Variants in MXRA7 observed in about 807,000 individuals in gnomAD.
MXRA7 encodes matrix-remodeling-associated protein 7.
Under a neutral mutation model 17.4 loss-of-function variants are expected in MXRA7, and 18 were observed. That is an observed-to-expected ratio of 1.03 (90% CI 0.71 to 1.53). MXRA7 has a LOEUF of 1.53. Ranked by LOEUF, MXRA7 falls within the 40% of genes most tolerant of loss-of-function variation. The pLI is 0.00. For missense variants in MXRA7, 141 were observed against 209.3 expected, an observed-to-expected ratio of 0.67 and a Z score of 2.01; for synonymous variants, 70 against 101.7, an observed-to-expected ratio of 0.69 and a Z score of 1.87.
At chr17:76,700,478 G>T (rs755207157) in intron 1 of MXRA7, among the ~76,000 whole-genome samples, 1 of 152,184 alleles carries the variant, frequency 6.6e-6, no homozygotes, top group African/African-American at 2.4e-5. Flanking sequence ...AACTGCAGGC[G>T]GCTGTGCAGG....
intron 2 of MXRA7, among the ~76,000 whole-genome samples, chr17:76,686,367 C>T (rs892271212): frequency 1.3e-5 from 2 of 152,136 alleles, no homozygotes; most frequent in African/African-American, 4.8e-5. Flanking sequence ...GTAATCCCAG[C>T]TACTCAGGAG....
At chr17:76,710,543 A>G (rs1022384526) in intron 1 of MXRA7, 62 bp downstream of exon 1, 1 of 1,206,388 alleles carries the variant, frequency 8.3e-7, no homozygotes, top group South Asian at 2.9e-5. Flanking sequence ...CTCGGCGGGG[A>G]ACGGCAGCGG....
intron 1 of MXRA7, among the ~76,000 whole-genome samples, chr17:76,703,217 G>A (rs2076616044): frequency 1.3e-5 from 2 of 152,120 alleles, no homozygotes; most frequent in African/African-American, 2.4e-5. Flanking sequence ...CCCTTGCTGA[G>A]AATCTGCCAG....
chr17:76,708,789 A>G (rs1225344541), intron 1 of MXRA7, among the ~76,000 whole-genome samples: 2 of 152,076 alleles, frequency 1.3e-5, no homozygotes, highest in South Asian at 2.1e-4. Context: ...TTGAACCCAA[A>G]GGGGAAGGGC....
intron 1 of MXRA7, among the ~76,000 whole-genome samples, chr17:76,701,730 G>A (rs1380012915): frequency 6.6e-6 from 1 of 152,032 alleles, no homozygotes; most frequent in Non-Finnish European, 1.5e-5. Context: ...GCGAGGAGCC[G>A]ACCCCATCCG....
chr17:76,710,788 G>T lies in MXRA7; in HGVS notation c.159C>A (p.Ala53=). Residue 53 remains alanine, a synonymous_variant, in exon 1 of 4, where the codon GCC becomes GCA. Coordinates refer to ENST00000449428, the MANE Select transcript of MXRA7 (RefSeq NM_198530.4). The part of the protein sequence containing the change: ...EPAPPAEATG[A]PAPSRPCAPE... ...GGGCGCAGGGGCGGGACGGCGCCGG[G>T]GCCCCGGTGGCCTCGGCCGGGGGCG... 1.0e-6 allele frequency: 1 copy of T among 963,396 alleles called. No homozygotes were observed. The highest frequency in any genetic ancestry group is 4.9e-4 in the Middle Eastern group (1 of 2,058). 59.7% of individuals were successfully genotyped at this position (963,396 alleles called of 1,614,324 possible).
rs557158839 is a variant in MXRA7, at chr17:76,681,213, G to A, written c.501-334C>T. On this transcript the variant is annotated intron_variant, in intron 3 of 3. Transcript: ENST00000449428. This position sits in a 1 kb window ranked among gnomAD's most constrained non-coding sequence, Gnocchi z 4.7. ...GGCCTTTCTGATCTTGGGTTGTGTG[G>A]TTGTGCTGACAATATTCCTATCACC... Among the ~76,000 whole-genome samples, 1 of 152,316 alleles carries A rather than the reference G, an allele frequency of 6.6e-6. No individual in the cohort carries two copies. The highest frequency in any genetic ancestry group is 2.1e-4 in the South Asian group (1 of 4,820).
intron 1 of MXRA7, among the ~76,000 whole-genome samples, chr17:76,693,471 G>A (rs1234408271): frequency 1.2e-5 from 1 of 82,786 alleles, no homozygotes; most frequent in African/African-American, 3.7e-5. Context: ...TTTGAGATCT[G>A]TCTCAAAAAA....
chr17:76,684,080 C>T (rs918173449), intron 3 of MXRA7, among the ~76,000 whole-genome samples: 4 of 149,076 alleles, frequency 2.7e-5, no homozygotes, highest in Non-Finnish European at 4.5e-5. Flanking sequence ...TGCTGAGGGT[C>T]GAGAGCGCTG....
intron 2 of MXRA7, 36 bp from the exon 3 acceptor site, chr17:76,685,201 T>C: frequency 6.5e-7 from 1 of 1,531,670 alleles, no homozygotes; most frequent in African/African-American, 1.4e-5. Context: ...CCAGGAGTGC[T>C]GTAGAGGCTG....
chr17:76,679,481 G>A (rs1312744430), downstream of MXRA7: 5 of 413,800 alleles, frequency 1.2e-5, no homozygotes, highest in Non-Finnish European at 1.6e-5. Context: ...CAGAGTAAGA[G>A]GCATCAAAAT....
exon 4 of MXRA7, chr17:76,674,498 C>T (rs12451724): frequency 0.61 from 93,247 of 151,892 alleles, 33,351 homozygotes; most frequent in Non-Finnish European, 0.81. Context: ...GGGGCCTGGG[C>T]GGTGGACACC....
rs1309731403 is a variant in MXRA7, at chr17:76,710,589, G to A, written c.342+16C>T. ...CCCGGGGGTGGGGAGGGGGCCGCGAGGGCCCCGGTGCGTACCTGCCTCGCC... is the reference window on the plus strand; with the variant it reads ...CCCGGGGGTGGGGAGGGGGCCGCGAAGGCCCCGGTGCGTACCTGCCTCGCC... On this transcript the variant is annotated intron_variant, in intron 1 of 3. Coordinates refer to ENST00000449428, the MANE Select transcript of MXRA7 (RefSeq NM_198530.4). 7.7e-7 allele frequency: 1 copy of A among 1,303,932 alleles called. No homozygotes were observed. 80.8% of individuals were successfully genotyped at this position (1,303,932 alleles called of 1,614,324 possible). A position where few individuals can be genotyped will look rare whatever the true frequency, so the allele number is the denominator to read the frequency against.
chr17:76,686,074 C>A (rs1278659573), intron 2 of MXRA7, among the ~76,000 whole-genome samples: 1 of 152,198 alleles, frequency 6.6e-6, no homozygotes. Flanking sequence ...AAGCCAGGCC[C>A]CTCCCCTCTA....
Position 76,681,936 on chromosome 17 carries a change from C to T in MXRA7, c.501-1057G>A, listed in dbSNP as rs766534346. 5.3e-5 allele frequency among the ~76,000 whole-genome samples: 8 copies of T among 152,194 alleles called. No homozygotes were observed. The highest frequency in any genetic ancestry group is 7.2e-5 in the African/African-American group (3 of 41,438). ...CAGCAGCTTCAGCGGAACCCAGGGA[C>T]GCCACCAGAGGCATGAAGTGTGTGA... On this transcript the variant is annotated intron_variant, in intron 3 of 3. Coordinates refer to ENST00000449428, the MANE Select transcript of MXRA7 (RefSeq NM_198530.4). This position sits in a 1 kb window ranked among gnomAD's most constrained non-coding sequence, Gnocchi z 4.7.
At chr17:76,693,341 G>C (rs1026913590) in intron 1 of MXRA7, among the ~76,000 whole-genome samples, 1 of 151,906 alleles carries the variant, frequency 6.6e-6, no homozygotes, top group Non-Finnish European at 1.5e-5. Context: ...GGTGGTGCAC[G>C]ACTGCTTCAG....
downstream of MXRA7, chr17:76,677,733 G>A (rs777219764): frequency 3.2e-6 from 5 of 1,542,886 alleles, no homozygotes; most frequent in African/African-American, 6.8e-5. Context: ...AGAGGAAGAA[G>A]GTGCTCCTAG....
At chr17:76,702,184 T>G (rs2076598260) in intron 1 of MXRA7, among the ~76,000 whole-genome samples, 1 of 152,176 alleles carries the variant, frequency 6.6e-6, no homozygotes, top group Non-Finnish European at 1.5e-5. Flanking sequence ...GTTGAACAAT[T>G]TTGACCATGA....
intron 1 of MXRA7, among the ~76,000 whole-genome samples, chr17:76,700,934 G>A (rs2076584003): frequency 6.6e-6 from 1 of 152,052 alleles, no homozygotes. Flanking sequence ...GTGCTGGGCA[G>A]GGTCCTGATG....
Sources: allele counts gnomAD v4.1 joint callset (sites outside exome capture counted in the v4.1 genomes callset), GRCh38; gene constraint gnomAD v4.1.1; non-coding constraint Gnocchi (gnomAD v3.1); transcripts MANE v1.5; gene names NCBI Gene and HGNC (gene_info 2026-07-23, HGNC 2026-07-21).